QTMAN: variants seen among roughly 807,000 people sequenced by gnomAD.
QTMAN encodes queuosine-tRNA mannosyltransferase.
the QTMAN span, chr2:143,950,795 G>T: frequency 2.6e-5 from 4 of 151,944 alleles, no homozygotes; most frequent in South Asian, 8.3e-4. Context: ...AATCTTGAAC[G>T]ACTGTTTTCT....
the QTMAN span, among the ~76,000 whole-genome samples, chr2:144,166,286 T>C: frequency 2.6e-5 from 4 of 152,200 alleles, no homozygotes; most frequent in Admixed American, 6.5e-5. Flanking sequence ...CTTGTCTGCA[T>C]CATTTAAGAA....
At chr2:144,325,377 CCA>C in the QTMAN span, among the ~76,000 whole-genome samples, 4 of 152,100 alleles carry the variant, frequency 2.6e-5, no homozygotes, top group African/African-American at 7.2e-5. Context: ...TCACAGAATA[CCA>C]CACTCTGGAT....
chr2:144,198,304 T>A, the QTMAN span, among the ~76,000 whole-genome samples: 1 of 152,180 alleles, frequency 6.6e-6, no homozygotes, highest in Non-Finnish European at 1.5e-5. Flanking sequence ...TGGGGTTGAC[T>A]CCACTTCCTG....
the QTMAN span, among the ~76,000 whole-genome samples, chr2:144,185,865 T>A: frequency 6.6e-6 from 1 of 152,206 alleles, no homozygotes; most frequent in African/African-American, 2.4e-5. Context: ...TGAGCAGAAA[T>A]TGCTTAAATT....
At chr2:144,075,377 CT>C in the QTMAN span, among the ~76,000 whole-genome samples, 1 of 152,196 alleles carries the variant, frequency 6.6e-6, no homozygotes, top group East Asian at 1.9e-4. Flanking sequence ...ACTCATTCTA[CT>C]TTAATTAAGC....
At chr2:144,229,047 T>C in the QTMAN span, among the ~76,000 whole-genome samples, 4 of 152,318 alleles carry the variant, frequency 2.6e-5, no homozygotes, top group African/African-American at 9.6e-5. Flanking sequence ...AATGGTTCTG[T>C]TTTAGAAAAC....
At chr2:144,076,359 G>A in the QTMAN span, among the ~76,000 whole-genome samples, 3 of 152,206 alleles carry the variant, frequency 2.0e-5, no homozygotes, top group African/African-American at 7.2e-5. Context: ...TAGGCAAGTG[G>A]TGTTCACCTG....
chr2:144,154,322 A>G, the QTMAN span, among the ~76,000 whole-genome samples: 6 of 152,174 alleles, frequency 3.9e-5, no homozygotes, highest in Admixed American at 6.5e-5. Context: ...GCCTCCTGGA[A>G]TAACAAGGAG....
At chr2:143,975,194 C>G in the QTMAN span, among the ~76,000 whole-genome samples, 1 of 152,290 alleles carries the variant, frequency 6.6e-6, no homozygotes, top group East Asian at 1.9e-4. Flanking sequence ...TTCTCTCTCT[C>G]TGTTGCCTTT....
chr2:144,265,832 T>G, the QTMAN span, among the ~76,000 whole-genome samples: 1 of 152,202 alleles, frequency 6.6e-6, no homozygotes, highest in African/African-American at 2.4e-5. Context: ...TCAGGTAAAA[T>G]TAATCACATC....
At chr2:144,061,143 T>C in the QTMAN span, among the ~76,000 whole-genome samples, 2 of 152,210 alleles carry the variant, frequency 1.3e-5, no homozygotes, top group African/African-American at 2.4e-5. Flanking sequence ...AATATTTGTG[T>C]AACCTGAAAA....
the QTMAN span, among the ~76,000 whole-genome samples, chr2:144,286,998 G>T: frequency 6.6e-6 from 1 of 152,154 alleles, no homozygotes; most frequent in Non-Finnish European, 1.5e-5. Flanking sequence ...TTTCGATGAT[G>T]AGGTTTGCAT....
the QTMAN span, among the ~76,000 whole-genome samples, chr2:144,003,328 C>T: frequency 6.6e-6 from 1 of 151,126 alleles, no homozygotes; most frequent in African/African-American, 2.4e-5. Flanking sequence ...GTCTTTTATG[C>T]CCTTTATAAT....
At chr2:144,154,055 A>C in the QTMAN span, among the ~76,000 whole-genome samples, 1 of 152,218 alleles carries the variant, frequency 6.6e-6, no homozygotes, top group Admixed American at 6.5e-5. Context: ...AATCATCTTA[A>C]GATTAGTATG....
chr2:144,146,449 C>A, the QTMAN span, among the ~76,000 whole-genome samples: 2 of 151,322 alleles, frequency 1.3e-5, no homozygotes, highest in East Asian at 3.9e-4. Context: ...TGAAAGCTTG[C>A]CTATCCATGT....
chr2:144,225,194 G>C, the QTMAN span, among the ~76,000 whole-genome samples: 1 of 152,098 alleles, frequency 6.6e-6, no homozygotes, highest in Non-Finnish European at 1.5e-5. Flanking sequence ...CCTTCTACTG[G>C]GAGCCAGTAC....
At chr2:144,317,434 G>GAAGGAA in the QTMAN span, 2 of 150,596 alleles carry the variant, frequency 1.3e-5, no homozygotes, top group Admixed American at 6.6e-5. Context: ...AGGAAGGAAG[G>GAAGGAA]GACAATAAAA....
At chr2:144,140,926 A>T in the QTMAN span, among the ~76,000 whole-genome samples, 1 of 152,028 alleles carries the variant, frequency 6.6e-6, no homozygotes. Flanking sequence ...TTAACAAATA[A>T]GACACTCAAA....
At chr2:144,298,597 T>G in the QTMAN span, among the ~76,000 whole-genome samples, 1 of 152,210 alleles carries the variant, frequency 6.6e-6, no homozygotes, top group African/African-American at 2.4e-5. Flanking sequence ...AGCTGGGGCC[T>G]GCCCAGCACC....
Sources: allele counts gnomAD v4.1 joint callset (sites outside exome capture counted in the v4.1 genomes callset), GRCh38; gene constraint gnomAD v4.1.1; transcripts MANE v1.5; gene names NCBI Gene and HGNC (gene_info 2026-07-23, HGNC 2026-07-21).